BTF3L4: variants seen among roughly 807,000 people sequenced by gnomAD.
BTF3L4 encodes transcription factor BTF3 homolog 4.
In BTF3L4, 6 loss-of-function variants were observed where a neutral mutation model predicts 16.8. The observed-to-expected ratio is 0.36, with a 90% CI of 0.20 to 0.71. BTF3L4 has a LOEUF of 0.71. Among genes scored for constraint, BTF3L4 ranks in the 30% least tolerant of loss-of-function variants. The pLI is 0.58. For missense variants in BTF3L4, 92 were observed against 186.9 expected (o/e 0.49, Z 2.96); for synonymous variants, 39 against 59.8 (o/e 0.65, Z 1.60).
intron 1 of BTF3L4, among the ~76,000 whole-genome samples, chr1:52,058,013 A>G (rs555885594): frequency 6.6e-6 from 1 of 152,324 alleles, no homozygotes; most frequent in South Asian, 2.1e-4. Flanking sequence ...ATCTAGGTCT[A>G]ATGTTTTTCC....
In BTF3L4 at chr1:52,064,815, T is replaced by C; in HGVS notation, c.55-10T>C. 6.3e-7 allele frequency: 1 copy of C among 1,589,992 alleles called. No homozygotes were observed. Among genetic ancestry groups the C allele is most frequent in the Non-Finnish European group, 8.6e-7 (1 of 1,165,376 alleles). On this transcript the variant is annotated splice_polypyrimidine_tract_variant and intron_variant, in intron 2 of 5. Transcript: ENST00000313334. ...GCTAACACTTCTGCTTCTGTTTGGTTATTTTTCAGGGTACAGCTCGCAGAA... is the reference window on the plus strand; with the variant it reads ...GCTAACACTTCTGCTTCTGTTTGGTCATTTTTCAGGGTACAGCTCGCAGAA...
At position 52,086,766 on chromosome 1, in the gene BTF3L4, GT is replaced by G; in HGVS notation, c.*13del. The stretch of plus-strand genomic sequence containing the variant: ...AAGAATGAAGCTAACTAAAAGTTTG[GT>G]TTTTGGAAGCTGGCATGGACTAGAT... On this transcript the variant is annotated 3_prime_UTR_variant, in exon 6 of 6. Transcript: ENST00000313334. The G allele has an allele frequency of 2.5e-6, 4 of 1,590,276 alleles. No individual in the cohort carries two copies. The highest frequency in any genetic ancestry group is 3.4e-6 in the Non-Finnish European group (4 of 1,168,768).
intron 3 of BTF3L4, among the ~76,000 whole-genome samples, chr1:52,080,519 G>T (rs1375441573): frequency 2.8e-5 from 2 of 70,244 alleles, no homozygotes; most frequent in East Asian, 5.0e-4. Context: ...GGTTTTTTGG[G>T]TTTTTTTTTT....
In BTF3L4 at chr1:52,069,649, C is replaced by G. The variant is rs1014413608; in HGVS notation, c.168+4711C>G. ...TTTGAGAAGAAAAGACACTTTTTGC[C>G]ATTATTGTGAAACAATATGATAGTA... On this transcript the variant is annotated intron_variant, in intron 3 of 5. Coordinates refer to ENST00000313334, the MANE Select transcript of BTF3L4 (RefSeq NM_152265.5). 3.9e-5 allele frequency among the ~76,000 whole-genome samples: 6 copies of G among 152,044 alleles called. No homozygotes were observed. In the East Asian group the frequency reaches 9.6e-4, roughly 24 times the overall value.
At chr1:52,069,950 C>G (rs1686742554) in intron 3 of BTF3L4, among the ~76,000 whole-genome samples, 1 of 152,150 alleles carries the variant, frequency 6.6e-6, no homozygotes, top group African/African-American at 2.4e-5. Flanking sequence ...GGTGCGGTGG[C>G]TCACTCCTGT....
intron 2 of BTF3L4, 99 bp downstream of exon 2, chr1:52,060,000 A>G: frequency 8.6e-7 from 1 of 1,164,458 alleles, no homozygotes; most frequent in Non-Finnish European, 1.2e-6. Context: ...AATCTTTTCA[A>G]TAATCAAGAT....
At chr1:52,076,056 A>G (rs1686924318) in intron 3 of BTF3L4, among the ~76,000 whole-genome samples, 1 of 152,198 alleles carries the variant, frequency 6.6e-6, no homozygotes, top group Non-Finnish European at 1.5e-5. Flanking sequence ...CTTTTCAGAA[A>G]GAATATGCCA....
At chr1:52,066,343 C>T (rs905389247) in intron 3 of BTF3L4, among the ~76,000 whole-genome samples, 2 of 151,246 alleles carry the variant, frequency 1.3e-5, no homozygotes, top group African/African-American at 4.9e-5. Context: ...AGGCGCCCAC[C>T]ACCACACCCG....
intron 5 of BTF3L4, 61 bp from the exon 6 acceptor site, chr1:52,086,651 C>T: frequency 9.4e-7 from 1 of 1,067,882 alleles, no homozygotes; most frequent in Non-Finnish European, 1.4e-6. Flanking sequence ...TTAGGAGTTC[C>T]ATTTACCTCT....
In BTF3L4 at chr1:52,088,571, CAAAGG is replaced by C. The variant is rs1643992235; in HGVS notation, c.*1814_*1818del. 2.6e-5 allele frequency: 4 copies of C among 152,466 alleles called. No individual in the cohort carries two copies. Among genetic ancestry groups the C allele is most frequent in the Non-Finnish European group, 5.9e-5 (4 of 68,036 alleles). 9.4% of individuals were successfully genotyped at this position (152,466 alleles called of 1,614,324 possible). A position where few individuals can be genotyped will look rare whatever the true frequency, so the allele number is the denominator to read the frequency against. On this transcript the variant is annotated 3_prime_UTR_variant, in exon 6 of 6. Transcript: ENST00000313334. Reference sequence around the variant, plus strand: ...TCCAGAATTCTTTCTCTAATTGTCCCAAAGGGGGACATTGTGGAGGCAGAGTTAGG... The same window carrying C: ...TCCAGAATTCTTTCTCTAATTGTCCCGGGACATTGTGGAGGCAGAGTTAGG...
At chr1:52,082,456 T>TG (rs1643933221) in intron 3 of BTF3L4, among the ~76,000 whole-genome samples, 2 of 152,058 alleles carry the variant, frequency 1.3e-5, no homozygotes, top group Admixed American at 1.3e-4. Context: ...AGGAACTGGC[T>TG]GGGTGTGGTG....
chr1:52,060,407 A>T, intron 2 of BTF3L4: 1 of 1,182,540 alleles, frequency 8.5e-7, no homozygotes, highest in Non-Finnish European at 1.1e-6. Flanking sequence ...TAAGTTGATT[A>T]TATATTTTGT....
intron 3 of BTF3L4, among the ~76,000 whole-genome samples, chr1:52,074,471 C>T (rs528584564): frequency 6.6e-6 from 1 of 152,086 alleles, no homozygotes; most frequent in African/African-American, 2.4e-5. Context: ...TCAAGCGATT[C>T]TCCTGCCTCA....
intron 1 of BTF3L4, among the ~76,000 whole-genome samples, chr1:52,058,461 T>C (rs528208774): frequency 6.6e-6 from 1 of 152,302 alleles, no homozygotes; most frequent in East Asian, 1.9e-4. Flanking sequence ...AACAGTATTT[T>C]TTTCATGTGA....
intron 2 of BTF3L4, among the ~76,000 whole-genome samples, chr1:52,063,677 C>T (rs1471258042): frequency 6.6e-6 from 1 of 152,206 alleles, no homozygotes; most frequent in Non-Finnish European, 1.5e-5. Context: ...TTTAGAGTTT[C>T]ACAGTATCAA....
intron 3 of BTF3L4, among the ~76,000 whole-genome samples, chr1:52,077,977 G>A (rs1427511375): frequency 6.6e-6 from 1 of 152,162 alleles, no homozygotes; most frequent in East Asian, 1.9e-4. Flanking sequence ...GAGATTCTGG[G>A]CATCTTCGTT....
intron 3 of BTF3L4, among the ~76,000 whole-genome samples, chr1:52,073,493 TACACACACACACACACACAC>T (rs142147737): frequency 2.2e-5 from 3 of 139,272 alleles, no homozygotes; most frequent in East Asian, 2.1e-4. Context: ...ATATGCTACA[TACACACACACACACACACAC>T]ACACACACAC....
intron 3 of BTF3L4, among the ~76,000 whole-genome samples, chr1:52,073,142 G>C (rs1032712579): frequency 5.3e-5 from 8 of 151,842 alleles, no homozygotes; most frequent in Admixed American, 2.0e-4. Flanking sequence ...GAATTGGCTG[G>C]GCATGGTGGT....
rs1438982254 is a variant in BTF3L4, at chr1:52,089,874, A to G, written c.*3116A>G. ...GCTAGTGCTTACAGGATTCCATTAA[A>G]TTCACTTTAATAAGCCTATGAAGTT... On this transcript the variant is annotated 3_prime_UTR_variant, in exon 6 of 6. Coordinates refer to ENST00000313334, the MANE Select transcript of BTF3L4 (RefSeq NM_152265.5). 1.3e-5 allele frequency: 2 copies of G among 152,216 alleles called. No homozygotes were observed. Among genetic ancestry groups the G allele is most frequent in the African/African-American group, 4.8e-5 (2 of 41,452 alleles). 9.4% of individuals were successfully genotyped at this position (152,216 alleles called of 1,614,324 possible). A position where few individuals can be genotyped will look rare whatever the true frequency, so the allele number is the denominator to read the frequency against.
Sources: gnomAD v4.1 joint callset for allele counts (sites outside exome capture counted in the v4.1 genomes callset) on GRCh38, gnomAD v4.1.1 for gene constraint, MANE v1.5 for transcripts, NCBI Gene and HGNC (gene_info 2026-07-23, HGNC 2026-07-21) for gene names.